Variants in PDGFD observed in about 807,000 individuals in gnomAD.
PDGFD encodes platelet derived growth factor D, also known as platelet-derived growth factor D.
Under a neutral mutation model 44.7 loss-of-function variants are expected in PDGFD, and 30 were observed. The ratio of observed to expected loss-of-function variants is 0.67; its 90% confidence interval spans 0.50 to 0.91. The LOEUF (loss-of-function observed/expected upper bound fraction) is 0.91, where lower values mean the gene tolerates loss of function less well. Ranked by LOEUF, PDGFD falls within the 40% of genes least tolerant of loss-of-function variation. The probability of loss-of-function intolerance (pLI) is 0.00; values close to 1 mark genes in which losing one functional copy is unlikely to be tolerated. For missense variants in PDGFD, 445 were observed against 457.8 expected (o/e 0.97, Z 0.25); for synonymous variants, 173 against 168.4 (o/e 1.03, Z -0.21).
At chr11:104,161,335 T>C (rs1256032353) in intron 1 of PDGFD, among the ~76,000 whole-genome samples, 1 of 152,216 alleles carries the variant, frequency 6.6e-6, no homozygotes, top group Admixed American at 6.5e-5. Flanking sequence ...TGAGCAAGAA[T>C]ATTGTCGTCT....
intron 1 of PDGFD, among the ~76,000 whole-genome samples, chr11:104,099,393 A>G (rs1426379946): frequency 1.3e-5 from 2 of 152,068 alleles, no homozygotes; most frequent in Non-Finnish European, 2.9e-5. Flanking sequence ...TAATCCCAGC[A>G]TTTTGGGAGG....
At chr11:104,046,810 T>A (rs1457075528) in intron 1 of PDGFD, among the ~76,000 whole-genome samples, 1 of 146,908 alleles carries the variant, frequency 6.8e-6, no homozygotes, top group African/African-American at 2.5e-5. Context: ...GTTACACAGG[T>A]ATACGCATGC....
At chr11:104,113,304 C>G (rs1000794446) in intron 1 of PDGFD, among the ~76,000 whole-genome samples, 1 of 152,048 alleles carries the variant, frequency 6.6e-6, no homozygotes, top group East Asian at 1.9e-4. Context: ...GAAGCTCCTA[C>G]CTACAGAGAG....
chr11:103,929,700 T>C (rs1858370828), intron 5 of PDGFD, among the ~76,000 whole-genome samples: 1 of 152,192 alleles, frequency 6.6e-6, no homozygotes, highest in African/African-American at 2.4e-5. Context: ...AATTTAGAAT[T>C]AGAACTGAAA....
At chr11:103,988,432 A>G (rs1359093119) in intron 3 of PDGFD, among the ~76,000 whole-genome samples, 1 of 152,076 alleles carries the variant, frequency 6.6e-6, no homozygotes, top group Non-Finnish European at 1.5e-5. Context: ...ATCTGCTCAT[A>G]TGATCAGCAA....
At chr11:104,074,128 T>A (rs1860918530) in intron 1 of PDGFD, among the ~76,000 whole-genome samples, 1 of 152,166 alleles carries the variant, frequency 6.6e-6, no homozygotes, top group Non-Finnish European at 1.5e-5. Context: ...ATAGTCTGCT[T>A]AGACGATAAG....
chr11:104,002,022 C>T (rs945460406), intron 1 of PDGFD, among the ~76,000 whole-genome samples: 18 of 152,110 alleles, frequency 1.2e-4, no homozygotes, highest in African/African-American at 3.6e-4. Context: ...GGAAAAGCAA[C>T]GGGTAGTTGA....
At position 103,941,824 on chromosome 11, in the gene PDGFD, G is replaced by A. The variant is rs181542631; in HGVS notation, c.772+1628C>T. Among the ~76,000 whole-genome samples the A allele has an allele frequency of 1.7e-3, 255 of 152,152 alleles. 1 individual carries two copies. The highest frequency in any genetic ancestry group is 3.5e-3 in the Admixed American group (54 of 15,264). On this transcript the variant is annotated intron_variant, in intron 5 of 6. Transcript: ENST00000393158. ...AAGACAGAGTCAGCTTTTATTGCTC[G>A]TTTGTCCAATACTATTTTTATATAA...
intron 1 of PDGFD, among the ~76,000 whole-genome samples, chr11:104,109,077 G>A (rs1861513060): frequency 6.6e-6 from 1 of 151,350 alleles, no homozygotes; most frequent in South Asian, 2.1e-4. Context: ...GGGAGGGATA[G>A]CATTAGGAGA....
chr11:104,069,418 A>G (rs1860841097), intron 1 of PDGFD, among the ~76,000 whole-genome samples: 1 of 152,164 alleles, frequency 6.6e-6, no homozygotes, highest in African/African-American at 2.4e-5. Context: ...ATATTTTTCC[A>G]CTAAAATTAT....
At chr11:103,963,277 C>G (rs185389564) in intron 3 of PDGFD, among the ~76,000 whole-genome samples, 1 of 152,220 alleles carries the variant, frequency 6.6e-6, no homozygotes, top group Admixed American at 6.5e-5. Context: ...TTTCTGAAAG[C>G]TTTAACACCT....
chr11:104,093,833 G>A (rs149378116), intron 1 of PDGFD, among the ~76,000 whole-genome samples: 399 of 149,172 alleles, frequency 2.7e-3, no homozygotes, highest in African/African-American at 6.3e-3. Flanking sequence ...GCTTTGCAAG[G>A]TCTTTGAATT....
At chr11:104,109,749 ACTAT>A (rs1434338706) in intron 1 of PDGFD, among the ~76,000 whole-genome samples, 2 of 152,150 alleles carry the variant, frequency 1.3e-5, no homozygotes, top group Non-Finnish European at 2.9e-5. Flanking sequence ...GCCACGGAGA[ACTAT>A]CTAAGATACA....
At chr11:104,132,311 T>C (rs1192656938) in intron 1 of PDGFD, among the ~76,000 whole-genome samples, 1 of 152,148 alleles carries the variant, frequency 6.6e-6, no homozygotes, top group African/African-American at 2.4e-5. Context: ...TAGCACAGCC[T>C]TGACATGTGC....
At chr11:104,126,195 T>A (rs1861839253) in intron 1 of PDGFD, among the ~76,000 whole-genome samples, 1 of 152,310 alleles carries the variant, frequency 6.6e-6, no homozygotes, top group African/African-American at 2.4e-5. Flanking sequence ...AATAAAAATC[T>A]GGCCATGCAT....
At chr11:104,112,643 T>C (rs1861576017) in intron 1 of PDGFD, among the ~76,000 whole-genome samples, 1 of 152,034 alleles carries the variant, frequency 6.6e-6, no homozygotes. Flanking sequence ...GATGATAGAC[T>C]GCATAAAGAA....
chr11:104,159,183 C>G (rs1205965107), intron 1 of PDGFD, among the ~76,000 whole-genome samples: 1 of 148,038 alleles, frequency 6.8e-6, no homozygotes, highest in Non-Finnish European at 1.5e-5. Context: ...AACTATTTGT[C>G]TGCTACCTTT....
Position 104,131,396 on chromosome 11 carries a change from C to T in PDGFD, c.124+32408G>A, listed in dbSNP as rs114324358. ...GAAAGACATCATTAATTGTTACCAG[C>T]ATCTGACTTCAAAATTTCTAAAATG... On this transcript the variant is annotated intron_variant, in intron 1 of 6. Transcript: ENST00000393158. Among the ~76,000 whole-genome samples, 1,506 of 152,184 alleles carry T rather than the reference C, an allele frequency of 9.9e-3. 29 individuals are homozygous for T. The highest frequency in any genetic ancestry group is 0.034 in the African/African-American group (1,425 of 41,536).
At chr11:103,910,032 G>A (rs1035361715) in intron 6 of PDGFD, among the ~76,000 whole-genome samples, 3 of 152,122 alleles carry the variant, frequency 2.0e-5, no homozygotes, top group African/African-American at 7.2e-5. Context: ...ATTGATCCCA[G>A]AGTAATGCCC....
Sources: allele counts gnomAD v4.1 joint callset (sites outside exome capture counted in the v4.1 genomes callset), GRCh38; gene constraint gnomAD v4.1.1; transcripts MANE v1.5; gene names NCBI Gene and HGNC (gene_info 2026-07-23, HGNC 2026-07-21).